Variants in LRP1B observed in about 807,000 individuals in gnomAD.
The protein encoded by LRP1B is LDL receptor related protein 1B.
LRP1B carries 217 observed loss-of-function variants against 556.6 expected under a neutral mutation model. That is an observed-to-expected ratio of 0.39 (90% CI 0.35 to 0.44). LRP1B has a LOEUF of 0.44. Among genes scored for constraint, LRP1B ranks in the 20% least tolerant of loss-of-function variants. The pLI is 1.00. For missense variants in LRP1B, 5,053 were observed against 5,620.8 expected, an observed-to-expected ratio of 0.90 and a Z score of 3.23; for synonymous variants, 2,047 against 1,865.8, an observed-to-expected ratio of 1.10 and a Z score of -2.50.
At chr2:140,793,412 G>C (rs12472556) in intron 32 of LRP1B, among the ~76,000 whole-genome samples, 2,222 of 151,790 alleles carry the variant, frequency 0.015, 81 homozygotes, top group Admixed American at 0.078. Context: ...ACTTCAAATG[G>C]CTGCTCTTAT....
chr2:140,646,026 A>G (rs947208022), intron 41 of LRP1B, among the ~76,000 whole-genome samples: 2 of 152,150 alleles, frequency 1.3e-5, no homozygotes, highest in African/African-American at 4.8e-5. Context: ...ATAGACTCCA[A>G]TCAGTCATTA....
chr2:140,912,310 G>A lies in LRP1B; in HGVS notation c.3320-4233C>T, dbSNP rs549143656. 4.6e-5 allele frequency among the ~76,000 whole-genome samples: 7 copies of A among 151,554 alleles called. 1 individual carries two copies. In the South Asian group the frequency reaches 1.5e-3, roughly 32 times the overall value. ...TCAAGATAAATCCTCACCTAATCAA[G>A]TACCTAATCAAGTCATTGGACATAA... is the stretch of plus-strand genomic sequence containing the variant. On this transcript the variant is annotated intron_variant, in intron 21 of 90. Transcript: ENST00000389484.
chr2:141,899,055 A>C (rs1255312022), intron 1 of LRP1B, among the ~76,000 whole-genome samples: 1 of 152,148 alleles, frequency 6.6e-6, no homozygotes, highest in African/African-American at 2.4e-5. Flanking sequence ...TGAGAGCTGA[A>C]TGAAATACTC....
intron 1 of LRP1B, among the ~76,000 whole-genome samples, chr2:141,926,700 T>C (rs1260250093): frequency 6.6e-6 from 1 of 152,130 alleles, no homozygotes; most frequent in African/African-American, 2.4e-5. Flanking sequence ...AATAGGTAGG[T>C]AGTGGTGAGG....
intron 7 of LRP1B, among the ~76,000 whole-genome samples, chr2:141,124,365 G>T (rs1701144543): frequency 6.6e-6 from 1 of 152,082 alleles, no homozygotes; most frequent in Non-Finnish European, 1.5e-5. Context: ...ATGATAGTTA[G>T]AATGCTTTTA....
At chr2:141,696,141 C>T (rs973633042) in intron 2 of LRP1B, among the ~76,000 whole-genome samples, 1 of 151,818 alleles carries the variant, frequency 6.6e-6, no homozygotes, top group Non-Finnish European at 1.5e-5. Flanking sequence ...ATTTATTCTT[C>T]CTCTATCATT....
chr2:140,684,191 A>T (rs1574237926), intron 41 of LRP1B, among the ~76,000 whole-genome samples: 1 of 152,216 alleles, frequency 6.6e-6, no homozygotes, highest in Admixed American at 6.5e-5. Context: ...TATGGCTTCT[A>T]TGTACAAATG....
At chr2:141,840,654 A>G (rs764911128) in intron 1 of LRP1B, among the ~76,000 whole-genome samples, 8 of 152,126 alleles carry the variant, frequency 5.3e-5, no homozygotes, top group Admixed American at 1.3e-4. Context: ...CTAGAGATCA[A>G]TGGTCTCATG....
chr2:140,788,738 C>T (rs1469172731), intron 32 of LRP1B, among the ~76,000 whole-genome samples: 2 of 152,178 alleles, frequency 1.3e-5, no homozygotes, highest in African/African-American at 4.8e-5. Flanking sequence ...ATAACCCTCC[C>T]TGTTAAAGAC....
intron 87 of LRP1B, among the ~76,000 whole-genome samples, chr2:140,244,762 GCAGA>G (rs1399377533): frequency 6.7e-6 from 1 of 150,066 alleles, no homozygotes; most frequent in Non-Finnish European, 1.5e-5. Context: ...TAGTAATTAG[GCAGA>G]CAGAGGCAGT....
Position 141,502,478 on chromosome 2 carries a change from C to T in LRP1B, c.206-21945G>A, listed in dbSNP as rs186192607. Among the ~76,000 whole-genome samples the T allele has an allele frequency of 3.9e-5, 6 of 152,022 alleles. No individual in the cohort carries two copies. In the East Asian group the frequency reaches 7.7e-4, roughly 20 times the overall value. ...TTACTTGATTTAAAATAAAAGGTTA[C>T]GATCTCATGGGAATAGATAGATAGT... On this transcript the variant is annotated intron_variant, in intron 2 of 90. Coordinates refer to ENST00000389484, the MANE Select transcript of LRP1B (RefSeq NM_018557.3).
At chr2:140,407,678 G>A (rs1684799907) in intron 66 of LRP1B, among the ~76,000 whole-genome samples, 1 of 151,854 alleles carries the variant, frequency 6.6e-6, no homozygotes, top group South Asian at 2.1e-4. Context: ...TCAAAAAATA[G>A]TACATGTTGC....
At chr2:140,707,752 T>C (rs1686890036) in intron 37 of LRP1B, among the ~76,000 whole-genome samples, 1 of 152,126 alleles carries the variant, frequency 6.6e-6, no homozygotes, top group Admixed American at 6.6e-5. Context: ...TTACGTACAG[T>C]TTTGTCTGAG....
At chr2:140,715,027 T>C (rs1687160534) in intron 37 of LRP1B, among the ~76,000 whole-genome samples, 1 of 151,960 alleles carries the variant, frequency 6.6e-6, no homozygotes, top group African/African-American at 2.4e-5. Context: ...GCATTGCAGG[T>C]AAAAGGAAGA....
intron 66 of LRP1B, among the ~76,000 whole-genome samples, chr2:140,411,470 T>C (rs1033701161): frequency 6.6e-6 from 1 of 152,090 alleles, no homozygotes; most frequent in Non-Finnish European, 1.5e-5. Flanking sequence ...TTCTTGCTAT[T>C]TGCAGATAAT....
Position 140,700,545 on chromosome 2 carries a change from A to T in LRP1B, c.6504T>A (p.Cys2168Ter). Reference protein sequence around the residue: ...CLYRGNSRRTCACAHGYLAED... With the variant: ...CLYRGNSRRT ...CTGCCAAATATCCATGGGCACAAGC[A>T]CAAGTTCTCCGGGAATTTCCTCGAT... Residue 2168 changes from cysteine (C) to a stop codon, truncating the protein, a stop_gained, in exon 41 of 91, where the codon TGT becomes TGA. Coordinates refer to ENST00000389484, the MANE Select transcript of LRP1B (RefSeq NM_018557.3). LOFTEE classifies it high-confidence loss of function. 6.2e-7 allele frequency: 1 copy of T among 1,613,626 alleles called. No homozygotes were observed. The highest frequency in any genetic ancestry group is 8.5e-7 in the Non-Finnish European group (1 of 1,179,676).
chr2:140,761,622 T>C (rs545003583), intron 35 of LRP1B, among the ~76,000 whole-genome samples: 1 of 152,238 alleles, frequency 6.6e-6, no homozygotes, highest in Admixed American at 6.5e-5. Flanking sequence ...GACAAAGAAC[T>C]GAGATAATAC....
At chr2:140,756,014 T>C (rs755122261) in intron 35 of LRP1B, among the ~76,000 whole-genome samples, 3 of 151,972 alleles carry the variant, frequency 2.0e-5, no homozygotes, top group Non-Finnish European at 4.4e-5. Context: ...TGTTGGAGGA[T>C]AGAAGATCAA....
intron 23 of LRP1B, among the ~76,000 whole-genome samples, chr2:140,901,663 A>G (rs1488115684): frequency 6.6e-6 from 1 of 152,208 alleles, no homozygotes; most frequent in Admixed American, 6.5e-5. Flanking sequence ...ATTTTTTTAA[A>G]GTGCAAAAAC....
Sources: allele counts gnomAD v4.1 joint callset (sites outside exome capture counted in the v4.1 genomes callset), GRCh38; gene constraint gnomAD v4.1.1; transcripts MANE v1.5; gene names NCBI Gene and HGNC (gene_info 2026-07-23, HGNC 2026-07-21).